The following CSMD1 variants were observed in gnomAD, a reference collection of about 807,000 sequenced individuals.
CSMD1 encodes the protein CUB and sushi domain-containing protein 1.
Under a neutral mutation model 417.5 loss-of-function variants are expected in CSMD1, and 213 were observed. That is an observed-to-expected ratio of 0.51 (90% CI 0.46 to 0.57). The LOEUF is 0.57. Among genes scored for constraint, CSMD1 ranks in the 20% least tolerant of loss-of-function variants. The pLI is 0.00. For missense variants in CSMD1, 6,923 were observed against 4,529.7 expected, an observed-to-expected ratio of 1.53 and a Z score of -15.17; for synonymous variants, 2,862 against 1,736.8, an observed-to-expected ratio of 1.65 and a Z score of -16.11.
intron 41 of CSMD1, among the ~76,000 whole-genome samples, chr8:3,139,551 T>C (rs1005674186): frequency 6.6e-6 from 1 of 152,202 alleles, no homozygotes; most frequent in Non-Finnish European, 1.5e-5. Flanking sequence ...CCCATCATGT[T>C]AGACACCAGG....
At chr8:4,838,845 G>C (rs1210403489) in intron 1 of CSMD1, among the ~76,000 whole-genome samples, 1 of 152,154 alleles carries the variant, frequency 6.6e-6, no homozygotes, top group Non-Finnish European at 1.5e-5. Context: ...GACACTTCTT[G>C]TTTCTCTTGC....
intron 1 of CSMD1, among the ~76,000 whole-genome samples, chr8:4,970,269 G>T (rs905947239): frequency 6.6e-6 from 1 of 152,072 alleles, no homozygotes; most frequent in Admixed American, 6.6e-5. Flanking sequence ...TCTTTGATCT[G>T]CCTGTAAGTG....
chr8:3,185,633 G>C (rs534650000), intron 36 of CSMD1, among the ~76,000 whole-genome samples: 23 of 152,286 alleles, frequency 1.5e-4, no homozygotes, highest in South Asian at 4.2e-4. Context: ...AGTTACTCGA[G>C]GGAAGGCTTA....
In CSMD1 at chr8:3,367,423, G is replaced by A. The variant is rs960417440; in HGVS notation, c.2900-176C>T. 2.0e-5 allele frequency among the ~76,000 whole-genome samples: 3 copies of A among 151,918 alleles called. No homozygotes were observed. In the East Asian group the frequency reaches 5.8e-4, roughly 29 times the overall value. On this transcript the variant is annotated intron_variant, in intron 19 of 69. Coordinates refer to ENST00000635120, the MANE Select transcript of CSMD1 (RefSeq NM_033225.6). ...AGAGTAATAGCCACAGAGAGACAGAGATGATAAAGAGATGAGACAGAGATG... is the reference window on the plus strand; with the variant it reads ...AGAGTAATAGCCACAGAGAGACAGAAATGATAAAGAGATGAGACAGAGATG...
intron 1 of CSMD1, among the ~76,000 whole-genome samples, chr8:4,955,357 G>C (rs1173132950): frequency 6.6e-6 from 1 of 151,986 alleles, no homozygotes; most frequent in Non-Finnish European, 1.5e-5. Context: ...TGCATTTTAT[G>C]ACTTTTTATT....
intron 2 of CSMD1, among the ~76,000 whole-genome samples, chr8:4,540,639 G>A (rs1387638996): frequency 1.3e-5 from 2 of 152,126 alleles, no homozygotes; most frequent in Non-Finnish European, 2.9e-5. Flanking sequence ...GGCCAGACAT[G>A]GGAGCACCTA....
chr8:3,304,006 A>G (rs141108844), intron 25 of CSMD1, among the ~76,000 whole-genome samples: 1 of 152,132 alleles, frequency 6.6e-6, no homozygotes, highest in Non-Finnish European at 1.5e-5. Flanking sequence ...ATAGCACTAT[A>G]TAAGCAGAAG....
At chr8:4,759,909 T>C (rs1177545683) in intron 1 of CSMD1, among the ~76,000 whole-genome samples, 1 of 152,214 alleles carries the variant, frequency 6.6e-6, no homozygotes, top group African/African-American at 2.4e-5. Context: ...ATGACTTATA[T>C]TTCTTTGGGT....
At chr8:3,359,455 A>G (rs1809012089) in intron 20 of CSMD1, 115 bp from the exon 21 acceptor site, 2 of 773,170 alleles carry the variant, frequency 2.6e-6, no homozygotes, top group East Asian at 2.7e-5. Context: ...CTACATATAT[A>G]TTTTCCCCAA....
chr8:4,747,402 G>C (rs34547061), intron 1 of CSMD1, among the ~76,000 whole-genome samples: 1 of 152,004 alleles, frequency 6.6e-6, no homozygotes, highest in African/African-American at 2.4e-5. Flanking sequence ...TAACAAGATT[G>C]GTAAGAGCAA....
intron 49 of CSMD1, among the ~76,000 whole-genome samples, chr8:3,062,320 G>A (rs193125857): frequency 2.0e-5 from 3 of 152,190 alleles, no homozygotes; most frequent in African/African-American, 7.2e-5. Context: ...GTGCAGTACG[G>A]AGCCACCTCT....
At chr8:4,036,878 T>A (rs1353896256) in intron 3 of CSMD1, among the ~76,000 whole-genome samples, 2 of 152,210 alleles carry the variant, frequency 1.3e-5, no homozygotes, top group Non-Finnish European at 2.9e-5. Flanking sequence ...TCCAGTTTCC[T>A]CCATATCCCA....
chr8:3,649,586 T>C (rs1432311834), intron 7 of CSMD1, among the ~76,000 whole-genome samples: 1 of 152,082 alleles, frequency 6.6e-6, no homozygotes, highest in Non-Finnish European at 1.5e-5. Flanking sequence ...GGAGAGCCTC[T>C]TATAAAACCA....
chr8:4,817,207 T>C (rs1228066866), intron 1 of CSMD1, among the ~76,000 whole-genome samples: 1 of 152,200 alleles, frequency 6.6e-6, no homozygotes, highest in Non-Finnish European at 1.5e-5. Context: ...TGCTCCTATA[T>C]GTATATGATT....
At chr8:3,038,292 C>T (rs1810828266) in intron 50 of CSMD1, among the ~76,000 whole-genome samples, 1 of 152,130 alleles carries the variant, frequency 6.6e-6, no homozygotes, top group Non-Finnish European at 1.5e-5. Context: ...ATCAAAGCTA[C>T]TTTTTAAATT....
chr8:3,276,984 G>T (rs1469983044), intron 26 of CSMD1, among the ~76,000 whole-genome samples: 1 of 152,090 alleles, frequency 6.6e-6, no homozygotes, highest in African/African-American at 2.4e-5. Context: ...TTGGGGACTG[G>T]AAGTGACAAT....
At chr8:3,881,534 G>A (rs577880071) in intron 5 of CSMD1, among the ~76,000 whole-genome samples, 1 of 150,238 alleles carries the variant, frequency 6.7e-6, no homozygotes, top group Non-Finnish European at 1.5e-5. Flanking sequence ...CTACTCAGGA[G>A]GCTGAGGTTG....
At chr8:3,615,017 A>G (rs894576294) in intron 8 of CSMD1, among the ~76,000 whole-genome samples, 14 of 152,216 alleles carry the variant, frequency 9.2e-5, no homozygotes, top group Non-Finnish European at 2.9e-5. Flanking sequence ...AAGAATGGGC[A>G]ATTTTATTTC....
At chr8:3,941,860 C>G (rs779866552) in intron 5 of CSMD1, among the ~76,000 whole-genome samples, 27 of 152,078 alleles carry the variant, frequency 1.8e-4, no homozygotes, top group Non-Finnish European at 3.5e-4. Flanking sequence ...GTCCCCAACC[C>G]TGGCTATGGG....
Sources: allele counts gnomAD v4.1 joint callset (sites outside exome capture counted in the v4.1 genomes callset), GRCh38; gene constraint gnomAD v4.1.1; transcripts MANE v1.5; gene names NCBI Gene and HGNC (gene_info 2026-07-23, HGNC 2026-07-21).